JAK1: variants seen among roughly 807,000 people sequenced by gnomAD.
JAK1 encodes Janus kinase 1, also known as tyrosine-protein kinase JAK1.
A neutral mutation model predicts 136.6 loss-of-function variants in JAK1; 16 were observed. The ratio of observed to expected loss-of-function variants is 0.12; its 90% CI spans 0.08 to 0.18. The LOEUF (loss-of-function observed/expected upper bound fraction) is 0.18. Ranked by LOEUF, JAK1 falls within the 10% of genes least tolerant of loss-of-function variation. The pLI is 1.00. For missense variants in JAK1, 859 were observed against 1,450.1 expected (o/e 0.59, Z 6.62); for synonymous variants, 492 against 519.5 (o/e 0.95, Z 0.72).
chr1:64,968,856 C>T (rs184269127), upstream of JAK1, among the ~76,000 whole-genome samples: 121 of 149,546 alleles, frequency 8.1e-4, no homozygotes, highest in African/African-American at 2.2e-3. Flanking sequence ...CGCTTGAAGC[C>T]GGGAGGCAGA....
intron 6 of JAK1, among the ~76,000 whole-genome samples, chr1:64,867,597 G>A (rs1275674231): frequency 6.6e-6 from 1 of 152,246 alleles, no homozygotes; most frequent in Non-Finnish European, 1.5e-5. Flanking sequence ...CAAGGTGTTA[G>A]GAGCAATTGT....
chr1:64,902,583 A>AGAGAGAGAGTGTGTGT, intron 1 of JAK1, among the ~76,000 whole-genome samples: 1,330 of 73,790 alleles, frequency 0.018, 20 homozygotes, highest in African/African-American at 0.028. Context: ...AGAGAGAGAG[A>AGAGAGAGAGTGTGTGT]GTGTGTGTGT....
intron 2 of JAK1, chr1:64,990,356 C>T (rs1313020628): frequency 1.3e-5 from 2 of 152,056 alleles, no homozygotes; most frequent in Non-Finnish European, 2.9e-5. Context: ...AGCTAAGGGA[C>T]AGAGACTTCA....
At chr1:64,994,816 C>T (rs1646689363) in intron 2 of JAK1, among the ~76,000 whole-genome samples, 1 of 152,072 alleles carries the variant, frequency 6.6e-6, no homozygotes, top group African/African-American at 2.4e-5. Context: ...TATGGGTGGG[C>T]TTTGTGACAC....
intron 3 of JAK1, 127 bp from the exon 4 acceptor site, chr1:64,879,275 T>C: frequency 1.8e-6 from 2 of 1,089,690 alleles, no homozygotes; most frequent in Non-Finnish European, 2.6e-6. Flanking sequence ...ACTCATATCC[T>C]CTTAGGGCAA....
intron 1 of JAK1, among the ~76,000 whole-genome samples, chr1:64,933,164 T>A (rs1478429305): frequency 2.0e-5 from 3 of 152,232 alleles, no homozygotes; most frequent in Non-Finnish European, 2.9e-5. Context: ...ACCACTGTTA[T>A]CCCCATTTAC....
At chr1:64,982,330 G>T (rs1365969031) in intron 2 of JAK1, among the ~76,000 whole-genome samples, 3 of 152,106 alleles carry the variant, frequency 2.0e-5, no homozygotes, top group African/African-American at 7.2e-5. Context: ...TTTGGGAGGG[G>T]CATTAGCTGA....
At chr1:64,977,723 G>A (rs1646509699) in intron 2 of JAK1, among the ~76,000 whole-genome samples, 1 of 152,078 alleles carries the variant, frequency 6.6e-6, no homozygotes. Context: ...GAGCCACCGC[G>A]CCTGACCCTA....
At chr1:64,963,830 G>A (rs1448056670) in intron 1 of JAK1, among the ~76,000 whole-genome samples, 1 of 152,130 alleles carries the variant, frequency 6.6e-6, no homozygotes, top group Non-Finnish European at 1.5e-5. Flanking sequence ...GGGCACTACT[G>A]AGATGGATAA....
chr1:64,881,284 T>C (rs889951118), intron 3 of JAK1, among the ~76,000 whole-genome samples: 2 of 123,352 alleles, frequency 1.6e-5, no homozygotes, highest in African/African-American at 5.6e-5. Context: ...AAATTTTAAA[T>C]TTAAAAAAAA....
intron 2 of JAK1, chr1:64,974,042 A>G (rs1646477310): frequency 6.6e-6 from 1 of 152,238 alleles, no homozygotes; most frequent in African/African-American, 2.4e-5. Flanking sequence ...AAATGTCCAC[A>G]TTATGTTTTT....
intron 1 of JAK1, chr1:65,066,808 T>A (rs1246596278): frequency 6.5e-6 from 1 of 152,766 alleles, no homozygotes; most frequent in African/African-American, 2.4e-5. Context: ...GGATCCTTCA[T>A]GTAAACAACA....
In JAK1 at chr1:64,893,929, A is replaced by G. The variant is rs571750878; in HGVS notation, c.-77-7588T>C. Reference sequence around the variant, plus strand: ...CTTCCACCCCTTGCTAAATTTTACTATTTGTGTCTACCAAGCATTCACCTA... The same window carrying G: ...CTTCCACCCCTTGCTAAATTTTACTGTTTGTGTCTACCAAGCATTCACCTA... On this transcript the variant is annotated intron_variant, in intron 1 of 24. Coordinates refer to ENST00000342505, the MANE Select transcript of JAK1 (RefSeq NM_002227.4). Among the ~76,000 whole-genome samples the G allele has an allele frequency of 3.4e-3, 517 of 152,294 alleles. 5 individuals are homozygous for G. The highest frequency in any genetic ancestry group is 0.012 in the African/African-American group (493 of 41,548).
chr1:64,944,857 AC>A (rs11288355), intron 1 of JAK1, among the ~76,000 whole-genome samples: 79,259 of 151,732 alleles, frequency 0.52, 24,208 homozygotes, highest in Non-Finnish European at 0.71. Context: ...AATAGGAATA[AC>A]TTTTGTAAAA....
chr1:64,883,220 T>C (rs7548407), intron 3 of JAK1, 57 bp downstream of exon 3: 2 of 1,411,376 alleles, frequency 1.4e-6, no homozygotes, highest in African/African-American at 2.9e-5. Flanking sequence ...GACCCCCAGA[T>C]CTTCTGAACT....
chr1:64,854,267 T>G (rs1655784097), intron 11 of JAK1, among the ~76,000 whole-genome samples: 1 of 152,312 alleles, frequency 6.6e-6, no homozygotes, highest in East Asian at 1.9e-4. Context: ...ATGGACACGT[T>G]CGCTTGGAAG....
intron 2 of JAK1, chr1:64,973,961 T>C (rs1450460793): frequency 6.6e-6 from 1 of 152,188 alleles, no homozygotes; most frequent in African/African-American, 2.4e-5. Flanking sequence ...TCAATAGATA[T>C]TTGCTAAAGC....
chr1:65,056,486 A>G (rs1002239266), intron 1 of JAK1, among the ~76,000 whole-genome samples: 17 of 152,200 alleles, frequency 1.1e-4, no homozygotes, highest in African/African-American at 4.1e-4. Context: ...GATAAGAAAG[A>G]ACCTCTCTGT....
At chr1:65,054,973 G>GT (rs1215809250) in intron 1 of JAK1, among the ~76,000 whole-genome samples, 1 of 152,146 alleles carries the variant, frequency 6.6e-6, no homozygotes, top group East Asian at 1.9e-4. Context: ...ACTAAATCCT[G>GT]TTTTTGGCTT....
Sources: gnomAD v4.1 joint callset for allele counts (sites outside exome capture counted in the v4.1 genomes callset) on GRCh38, gnomAD v4.1.1 for gene constraint, MANE v1.5 for transcripts, NCBI Gene and HGNC (gene_info 2026-07-23, HGNC 2026-07-21) for gene names.